MAGI2: variants seen among roughly 807,000 people sequenced by gnomAD.
MAGI2 encodes the protein membrane associated guanylate kinase, WW and PDZ domain containing 2, also known as membrane-associated guanylate kinase, WW and PDZ domain-containing protein 2.
In MAGI2, 35 loss-of-function variants were observed where a neutral mutation model predicts 133.3. The ratio of observed to expected loss-of-function variants is 0.26; its 90% CI spans 0.20 to 0.35. The LOEUF (loss-of-function observed/expected upper bound fraction) is 0.35. Ranked by LOEUF, MAGI2 falls within the 10% of genes least tolerant of loss-of-function variation. The probability of loss-of-function intolerance (pLI) is 1.00; values close to 1 mark genes in which losing one functional copy is unlikely to be tolerated. For missense variants in MAGI2, 1,636 were observed against 1,863.4 expected, an observed-to-expected ratio of 0.88 and a Z score of 2.25; for synonymous variants, 729 against 710.6, an observed-to-expected ratio of 1.03 and a Z score of -0.41.
At chr7:78,827,620 A>G (rs1409079279) in intron 2 of MAGI2, among the ~76,000 whole-genome samples, 1 of 152,220 alleles carries the variant, frequency 6.6e-6, no homozygotes, top group African/African-American at 2.4e-5. Context: ...CTAGAAACAT[A>G]TAAGATGAGC....
chr7:78,390,923 CT>C (rs1437423822), intron 6 of MAGI2, among the ~76,000 whole-genome samples: 1 of 152,104 alleles, frequency 6.6e-6, no homozygotes, highest in African/African-American at 2.4e-5. Flanking sequence ...GGAAAACTAA[CT>C]TTTCCAATGT....
intron 20 of MAGI2, among the ~76,000 whole-genome samples, chr7:78,123,592 T>G (rs946940695): frequency 2.0e-5 from 3 of 152,154 alleles, no homozygotes; most frequent in African/African-American, 7.2e-5. Flanking sequence ...GAGTAACCAG[T>G]GGGCAGGTAG....
intron 3 of MAGI2, among the ~76,000 whole-genome samples, chr7:78,529,668 GTTTTTTTTTTTTTTTTT>G (rs554010061): frequency 0.094 from 5,449 of 57,818 alleles, 550 homozygotes; most frequent in African/African-American, 0.28. Context: ...AAAGGAGATG[GTTTTTTTTTTTTTTTTT>G]TTTTTTTTTT....
chr7:78,083,498 T>C (rs1159268121), intron 20 of MAGI2, among the ~76,000 whole-genome samples: 3 of 151,702 alleles, frequency 2.0e-5, no homozygotes, highest in Admixed American at 2.0e-4. Context: ...TGCACTGCAT[T>C]ATGTGGGTCA....
At chr7:78,985,244 A>T (rs1006777512) in intron 2 of MAGI2, among the ~76,000 whole-genome samples, 1 of 152,076 alleles carries the variant, frequency 6.6e-6, no homozygotes, top group African/African-American at 2.4e-5. Flanking sequence ...TCATTATTCA[A>T]AATTACTTTT....
At chr7:79,330,665 T>A (rs1298851547) in intron 1 of MAGI2, among the ~76,000 whole-genome samples, 1 of 137,926 alleles carries the variant, frequency 7.3e-6, no homozygotes, top group Admixed American at 7.0e-5. Context: ...TTAGCACTCA[T>A]TTTTTTTAGG....
chr7:79,284,071 GGT>G (rs1246306176), intron 1 of MAGI2, among the ~76,000 whole-genome samples: 1 of 152,006 alleles, frequency 6.6e-6, no homozygotes, highest in Admixed American at 6.6e-5. Context: ...GTATGATCTG[GGT>G]TTGTGTAAGT....
intron 1 of MAGI2, among the ~76,000 whole-genome samples, chr7:79,120,594 C>T (rs1472226288): frequency 6.6e-6 from 1 of 151,918 alleles, no homozygotes; most frequent in Non-Finnish European, 1.5e-5. Context: ...CTCTCATAAG[C>T]TAGGTCCTAA....
Position 79,228,893 on chromosome 7 carries a change from T to A in MAGI2, c.302-221687A>T, listed in dbSNP as rs576824943. Among the ~76,000 whole-genome samples, 39 of 152,222 alleles carry A rather than the reference T, an allele frequency of 2.6e-4. 1 individual carries two copies. The highest frequency in any genetic ancestry group is 6.2e-4 in the South Asian group (3 of 4,828). ...AGCATTGGAAGCGGAGTAGGGGCAA[T>A]GGTTTGGTGCTGCTGTTTCCTGCTT... is the stretch of plus-strand genomic sequence containing the variant. On this transcript the variant is annotated intron_variant, in intron 1 of 21. Transcript: ENST00000354212.
At chr7:78,360,865 A>G (rs903116565) in intron 7 of MAGI2, among the ~76,000 whole-genome samples, 2 of 152,176 alleles carry the variant, frequency 1.3e-5, no homozygotes, top group Non-Finnish European at 2.9e-5. Context: ...AAAATGATGG[A>G]GTAGAAGGAA....
intron 1 of MAGI2, among the ~76,000 whole-genome samples, chr7:79,443,112 A>T (rs1323691971): frequency 6.6e-6 from 1 of 152,014 alleles, no homozygotes; most frequent in Non-Finnish European, 1.5e-5. Context: ...TCTCTAGTAA[A>T]AATACAAAAA....
chr7:79,119,816 G>C (rs1360574810), intron 1 of MAGI2, among the ~76,000 whole-genome samples: 1 of 151,884 alleles, frequency 6.6e-6, no homozygotes, highest in Admixed American at 6.6e-5. Flanking sequence ...AATGTATTAT[G>C]GTGTGAGGAA....
At chr7:78,116,627 C>T (rs553817884) in intron 20 of MAGI2, among the ~76,000 whole-genome samples, 18 of 152,170 alleles carry the variant, frequency 1.2e-4, no homozygotes, top group South Asian at 8.3e-4. Context: ...ATCTGTAATC[C>T]TAGCACTTTG....
At chr7:78,359,526 A>G (rs1421713282) in intron 7 of MAGI2, 1 of 152,178 alleles carries the variant, frequency 6.6e-6, no homozygotes, top group African/African-American at 2.4e-5. Context: ...TTTAATGTTA[A>G]TATCAGCCCT....
intron 1 of MAGI2, among the ~76,000 whole-genome samples, chr7:79,074,791 T>G (rs993364386): frequency 6.6e-6 from 1 of 152,312 alleles, no homozygotes; most frequent in South Asian, 2.1e-4. Context: ...TGAGGACTAT[T>G]TGCAGTATAA....
At chr7:79,099,498 C>A (rs1283069611) in intron 1 of MAGI2, among the ~76,000 whole-genome samples, 1 of 151,902 alleles carries the variant, frequency 6.6e-6, no homozygotes, top group African/African-American at 2.4e-5. Flanking sequence ...ATTTTAGCTT[C>A]AGGGGTACAC....
intron 1 of MAGI2, among the ~76,000 whole-genome samples, chr7:79,018,960 C>T (rs993417182): frequency 6.6e-5 from 10 of 152,140 alleles, no homozygotes; most frequent in African/African-American, 1.2e-4. Context: ...TAACACTCCA[C>T]TGAGAGTATT....
At chr7:78,222,531 C>T (rs1788933304) in intron 10 of MAGI2, among the ~76,000 whole-genome samples, 2 of 152,112 alleles carry the variant, frequency 1.3e-5, no homozygotes, top group African/African-American at 2.4e-5. Context: ...GTAACTTACC[C>T]CCAGTCACAC....
chr7:78,653,362 A>G (rs969370268), intron 2 of MAGI2, among the ~76,000 whole-genome samples: 6 of 152,342 alleles, frequency 3.9e-5, no homozygotes, highest in African/African-American at 1.4e-4. Flanking sequence ...ACTGTTCACA[A>G]TAGCAAAGAC....
Sources: allele counts gnomAD v4.1 joint callset (sites outside exome capture counted in the v4.1 genomes callset), GRCh38; gene constraint gnomAD v4.1.1; transcripts MANE v1.5; gene names NCBI Gene and HGNC (gene_info 2026-07-23, HGNC 2026-07-21).